CTNNA2: variants seen among roughly 807,000 people sequenced by gnomAD.
The protein encoded by CTNNA2 is catenin alpha-2.
Under a neutral mutation model 101.0 loss-of-function variants are expected in CTNNA2, and 42 were observed. The observed-to-expected ratio is 0.42, with a 90% CI of 0.32 to 0.54. The LOEUF (loss-of-function observed/expected upper bound fraction) is 0.54, where lower values mean the gene tolerates loss of function less well. Ranked by LOEUF, CTNNA2 falls within the 20% of genes least tolerant of loss-of-function variation. The pLI, the probability that CTNNA2 is intolerant of heterozygous loss-of-function variation, is 0.14. For synonymous variants in CTNNA2, 450 were observed against 456.4 expected (o/e 0.99, Z 0.18); for missense variants, 871 against 1,223.1 (o/e 0.71, Z 4.29).
chr2:79,417,939 T>C (rs1344721516), intron 4 of CTNNA2, among the ~76,000 whole-genome samples: 1 of 152,054 alleles, frequency 6.6e-6, no homozygotes, highest in Non-Finnish European at 1.5e-5. Flanking sequence ...AGGTTGGCCA[T>C]ACCACGTGGG....
intron 8 of CTNNA2, among the ~76,000 whole-genome samples, chr2:80,393,769 G>C (rs1249457341): frequency 3.9e-5 from 6 of 152,202 alleles, no homozygotes. Context: ...GAGAAAGTTT[G>C]CTTATCAGAT....
At chr2:79,326,100 G>C (rs1483015627) in intron 3 of CTNNA2, among the ~76,000 whole-genome samples, 2 of 152,110 alleles carry the variant, frequency 1.3e-5, no homozygotes, top group Non-Finnish European at 2.9e-5. Context: ...TCTTTCATTA[G>C]TTCATCACCC....
At chr2:80,141,996 T>C (rs1703041699) in intron 7 of CTNNA2, among the ~76,000 whole-genome samples, 1 of 152,102 alleles carries the variant, frequency 6.6e-6, no homozygotes, top group South Asian at 2.1e-4. Context: ...AACTGAGGAC[T>C]GAATTCTGAC....
intron 2 of CTNNA2, among the ~76,000 whole-genome samples, chr2:79,682,863 C>T (rs13030183): frequency 0.39 from 58,995 of 151,942 alleles, 12,130 homozygotes; most frequent in Admixed American, 0.46. Flanking sequence ...AAATAAAAAA[C>T]CAAGTTGTGG....
chr2:79,482,922 C>G (rs761581101), intron 4 of CTNNA2, among the ~76,000 whole-genome samples: 1 of 152,168 alleles, frequency 6.6e-6, no homozygotes, highest in African/African-American at 2.4e-5. Context: ...AGGCATGTGG[C>G]TAAAAGTCAT....
At chr2:80,341,190 C>G (rs952972990) in intron 7 of CTNNA2, among the ~76,000 whole-genome samples, 2 of 152,024 alleles carry the variant, frequency 1.3e-5, no homozygotes, top group African/African-American at 4.8e-5. Flanking sequence ...ATCATATAGG[C>G]ATGATTTGTT....
intron 2 of CTNNA2, among the ~76,000 whole-genome samples, chr2:79,231,663 A>G (rs1459096495): frequency 1.3e-5 from 2 of 152,172 alleles, no homozygotes; most frequent in Non-Finnish European, 2.9e-5. Flanking sequence ...GGCCATTAAT[A>G]ACTCTATTAA....
rs1693082088 is a variant in CTNNA2 at position 80,556,845 on chromosome 2, C to T, written c.1741+952C>T. On this transcript the variant is annotated intron_variant, in intron 12 of 18. Transcript: ENST00000402739. ...TATATATGCACAGAAGGGCCTCTCC[C>T]CTCAAACCCTAAGGGGGACCTTCAT... Among the ~76,000 whole-genome samples the T allele has an allele frequency of 7.9e-5, 12 of 152,276 alleles. No homozygotes were observed. The South Asian group carries it at 1.9e-3, about 24-fold the overall frequency.
chr2:79,632,122 A>C lies in CTNNA2; in HGVS notation c.-5-19430A>C, dbSNP rs966145796. Among the ~76,000 whole-genome samples the C allele has an allele frequency of 2.6e-5, 4 of 152,166 alleles. No homozygotes were observed. In the East Asian group the frequency reaches 7.7e-4, roughly 29 times the overall value. ...CAAATCCAAATTCCGTAGTGAGGCT[A>C]ATTTAGTTCATTCCAATAAAATATT... On this transcript the variant is annotated intron_variant, in intron 1 of 18. Transcript: ENST00000402739.
At chr2:79,305,217 C>A (rs1478940221) in intron 2 of CTNNA2, among the ~76,000 whole-genome samples, 3 of 151,386 alleles carry the variant, frequency 2.0e-5, no homozygotes, top group Non-Finnish European at 1.5e-5. Context: ...TTATAGGACA[C>A]ACAAATATAT....
At chr2:79,720,013 T>C (rs1686374087) in intron 2 of CTNNA2, among the ~76,000 whole-genome samples, 2 of 152,166 alleles carry the variant, frequency 1.3e-5, no homozygotes, top group South Asian at 2.1e-4. Flanking sequence ...TTCTAGAATT[T>C]TTATAGTTTG....
intron 1 of CTNNA2, among the ~76,000 whole-genome samples, chr2:79,545,296 C>G (rs1673662400): frequency 6.6e-6 from 1 of 152,180 alleles, no homozygotes; most frequent in South Asian, 2.1e-4. Flanking sequence ...GCCTTCACTT[C>G]TCCTTCCCCA....
chr2:79,805,541 T>C (rs1402213379), intron 3 of CTNNA2, among the ~76,000 whole-genome samples: 1 of 152,130 alleles, frequency 6.6e-6, no homozygotes, highest in Non-Finnish European at 1.5e-5. Context: ...CTCAACTTCT[T>C]TTATATTTGA....
intron 4 of CTNNA2, among the ~76,000 whole-genome samples, chr2:79,450,687 C>G (rs1670731645): frequency 6.6e-6 from 1 of 151,934 alleles, no homozygotes; most frequent in South Asian, 2.1e-4. Flanking sequence ...TATAATAAAC[C>G]AATTTTACCA....
At chr2:79,548,046 G>A (rs1673850560) in intron 1 of CTNNA2, 1 of 152,164 alleles carries the variant, frequency 6.6e-6, no homozygotes, top group African/African-American at 2.4e-5. Flanking sequence ...CTATAAGTAA[G>A]AAACTTATTG....
chr2:80,403,961 A>T (rs1678819074), intron 8 of CTNNA2, among the ~76,000 whole-genome samples: 1 of 152,194 alleles, frequency 6.6e-6, no homozygotes, highest in African/African-American at 2.4e-5. Context: ...GATGAGGCTG[A>T]CTTGGTGGTA....
intron 2 of CTNNA2, chr2:79,281,380 G>A (rs1307421461): frequency 6.6e-6 from 1 of 152,046 alleles, no homozygotes; most frequent in Non-Finnish European, 1.5e-5. Context: ...CCCCTTTAAC[G>A]GCTCCATTTG....
intron 7 of CTNNA2, among the ~76,000 whole-genome samples, chr2:79,918,713 G>C (rs1686432467): frequency 6.6e-6 from 1 of 152,108 alleles, no homozygotes; most frequent in Admixed American, 6.6e-5. Context: ...CCAGGTACTT[G>C]GTAGAAGCAA....
At chr2:80,154,257 G>A (rs35107658) in intron 7 of CTNNA2, among the ~76,000 whole-genome samples, 4,736 of 152,138 alleles carry the variant, frequency 0.031, 81 homozygotes, top group East Asian at 0.048. Flanking sequence ...TGGTATTTTA[G>A]AAAGATATAA....
Sources: allele counts gnomAD v4.1 joint callset (sites outside exome capture counted in the v4.1 genomes callset), GRCh38; gene constraint gnomAD v4.1.1; transcripts MANE v1.5; gene names NCBI Gene and HGNC (gene_info 2026-07-23, HGNC 2026-07-21).